The following GATA5 variants were observed in gnomAD, a reference collection of about 807,000 sequenced individuals.
GATA5 encodes GATA binding protein 5, also known as transcription factor GATA-5.
Under a neutral mutation model 35.0 loss-of-function variants are expected in GATA5, and 27 were observed. That is an observed-to-expected ratio of 0.77 (90% confidence interval 0.57 to 1.06). The LOEUF is 1.06. Among genes scored for constraint, GATA5 ranks in the 50% least tolerant of loss-of-function variants. The pLI is 0.00. For missense variants in GATA5, 612 were observed against 580.0 expected, an observed-to-expected ratio of 1.06 and a Z score of -0.57; for synonymous variants, 306 against 267.8, an observed-to-expected ratio of 1.14 and a Z score of -1.39.
At chr20:62,469,932 C>T (rs1197937382) in intron 3 of GATA5, among the ~76,000 whole-genome samples, 1 of 152,196 alleles carries the variant, frequency 6.6e-6, no homozygotes, top group Non-Finnish European at 1.5e-5. Flanking sequence ...CGCGCTGGGG[C>T]TCCCTGTGCC....
rs1555896942 is a variant in GATA5 at position 62,474,958 on chromosome 20, G to A, written c.523+41C>T. ...GGGTGCGGGTTTGCACCCGGATTCG[G>A]CCGCTCCTGGGCCCCGAGACTGTGG... On this transcript the variant is annotated intron_variant, in intron 2 of 6. Transcript: ENST00000252997. The A allele has an allele frequency of 5.5e-6, 7 of 1,268,622 alleles. No individual in the cohort carries two copies. The South Asian group carries it at 1.6e-4, about 29-fold the overall frequency. 78.6% of individuals were successfully genotyped at this position (1,268,622 alleles called of 1,614,324 possible).
At chr20:62,468,535 T>C (rs1185200824) in intron 3 of GATA5, among the ~76,000 whole-genome samples, 1 of 152,160 alleles carries the variant, frequency 6.6e-6, no homozygotes, top group Non-Finnish European at 1.5e-5. Context: ...TGCCAAAGGC[T>C]CTGGGAACGC....
At chr20:62,474,932 A>T in intron 2 of GATA5, 67 bp downstream of exon 2, 1 of 1,215,328 alleles carries the variant, frequency 8.2e-7, no homozygotes, top group Non-Finnish European at 1.0e-6. Context: ...AGCGTTTCGC[A>T]GGGTGCGGGT....
In GATA5 at chr20:62,470,561, G is replaced by T. The variant is rs1358831973; in HGVS notation, c.699+2842C>A. ...TCGAAGGAAGGAAACCCTGGGGTTGGGTGGGTGTTAGGTGCCTGACTCCAG... is the reference window on the plus strand; with the variant it reads ...TCGAAGGAAGGAAACCCTGGGGTTGTGTGGGTGTTAGGTGCCTGACTCCAG... On this transcript the variant is annotated intron_variant, in intron 3 of 6. Transcript: ENST00000252997. The surrounding 1 kb of genome is among the most constrained non-coding windows in gnomAD (Gnocchi z 4.6). Among the ~76,000 whole-genome samples the T allele has an allele frequency of 2.0e-5, 3 of 152,210 alleles. No homozygotes were observed. Among genetic ancestry groups the T allele is most frequent in the Non-Finnish European group, 4.4e-5 (3 of 68,030 alleles).
intron 4 of GATA5, 28 bp from the exon 5 acceptor site, chr20:62,465,949 G>T: frequency 2.6e-6 from 4 of 1,509,954 alleles, no homozygotes; most frequent in East Asian, 2.4e-5. Flanking sequence ...GGTGGAGGCT[G>T]GTCCCATCCC....
intron 3 of GATA5, among the ~76,000 whole-genome samples, chr20:62,472,470 C>T (rs927778052): frequency 6.6e-6 from 1 of 152,232 alleles, no homozygotes; most frequent in Non-Finnish European, 1.5e-5. Context: ...GGCTGGCCTC[C>T]ACCCAGGGTG....
chr20:62,467,066 T>C (rs1989611486), intron 3 of GATA5, among the ~76,000 whole-genome samples: 1 of 152,210 alleles, frequency 6.6e-6, no homozygotes, highest in Non-Finnish European at 1.5e-5. Context: ...CCCATTGCTG[T>C]GCACTGCGCC....
rs1555895978 is a variant in GATA5 at position 62,465,505 on chromosome 20, G to A, written c.914-41C>T. 4 of 1,579,196 alleles carry A rather than the reference G, an allele frequency of 2.5e-6. No homozygotes were observed. The South Asian group carries it at 3.4e-5, about 14-fold the overall frequency. On this transcript the variant is annotated intron_variant, in intron 5 of 6. Coordinates refer to ENST00000252997, the MANE Select transcript of GATA5 (RefSeq NM_080473.5). ...GGGTGTTTACAGAGGGGTCAGGTGT[G>A]GCCTCACTTCCCCTTCCTGCCATGT...
intron 6 of GATA5, 39 bp from the exon 7 acceptor site, chr20:62,465,030 G>A (rs782800487): frequency 1.9e-5 from 23 of 1,207,332 alleles, no homozygotes; most frequent in Admixed American, 7.3e-5. Flanking sequence ...GGGGTGGGGC[G>A]TGGGGCGTGG....
chr20:62,468,440 G>C (rs1277787910), intron 3 of GATA5, among the ~76,000 whole-genome samples: 11 of 152,378 alleles, frequency 7.2e-5, no homozygotes, highest in African/African-American at 2.6e-4. Context: ...CTGAGTGGGA[G>C]AGTGGGGGCC....
chr20:62,467,016 A>G (rs564316860), intron 3 of GATA5, among the ~76,000 whole-genome samples: 4 of 152,300 alleles, frequency 2.6e-5, no homozygotes, highest in African/African-American at 7.2e-5. Context: ...GCCCCACCGG[A>G]CAGAGGCTGA....
Position 62,465,464 on chromosome 20 carries a change from C to T in GATA5, c.914G>A (p.Gly305Glu), listed in dbSNP as rs376756613. 81 of 1,606,278 alleles carry T rather than the reference C, an allele frequency of 5.0e-5. No homozygotes were observed. Among genetic ancestry groups the T allele is most frequent in the Non-Finnish European group, 6.4e-5 (76 of 1,178,942 alleles). Reference protein sequence around the residue: ...KTIAKARGSSGSTRNASASPS... With the variant: ...KTIAKARGSSESTRNASASPS... ...GGAGGCCGAGGCATTCCTTGTGGAT[C>T]CTGGAAGCGAAGAGGGGGTGTTTAC... Residue 305 changes from glycine (G) to glutamate (E), a missense_variant and splice_region_variant, in exon 6 of 7, where the codon GGA becomes GAA. Gly to Glu is a moderately conservative substitution (Grantham distance 98, BLOSUM62 -2). Transcript: ENST00000252997.
intron 2 of GATA5, 35 bp from the exon 3 acceptor site, chr20:62,473,613 C>T: frequency 1.3e-6 from 2 of 1,553,564 alleles, no homozygotes; most frequent in South Asian, 1.2e-5. Flanking sequence ...CCCGGGCCCT[C>T]CCCTCCCCAG....
intron 2 of GATA5, 68 bp from the exon 3 acceptor site, chr20:62,473,646 G>A: frequency 2.7e-6 from 4 of 1,468,272 alleles, no homozygotes; most frequent in Non-Finnish European, 2.8e-6. Context: ...CTCATGGGCC[G>A]GCACCCTCCC....
rs146484782 is a variant in GATA5, at chr20:62,464,958, C to T, written c.1072G>A (p.Gly358Ser). The change falls in exon 7 of 7, where the codon GGC becomes AGC. Residue 358 changes from glycine (G) to serine (S), a missense_variant. Physicochemically the swap from Gly to Ser is moderately conservative, Grantham distance 56 (BLOSUM62 0). Coordinates refer to ENST00000252997, the MANE Select transcript of GATA5 (RefSeq NM_080473.5). ...GGCTCGAACTTGAACTCCAAGTGGCCGGGGGCAAGAGAGTCATCCTCCTGG... is the reference window on the plus strand; with the variant it reads ...GGCTCGAACTTGAACTCCAAGTGGCTGGGGGCAAGAGAGTCATCCTCCTGG... Reference protein sequence around the residue: ...SGQEDDSLAPGHLEFKFEPED... With the variant: ...SGQEDDSLAPSHLEFKFEPED... The T allele has an allele frequency of 5.2e-5, 70 of 1,351,884 alleles. 1 individual carries two copies. Among genetic ancestry groups the T allele is most frequent in the African/African-American group, 3.3e-4 (20 of 60,464 alleles). 83.7% of individuals were successfully genotyped at this position (1,351,884 alleles called of 1,614,324 possible).
intron 3 of GATA5, 131 bp downstream of exon 3, chr20:62,473,272 G>T: frequency 1.0e-6 from 1 of 989,660 alleles, no homozygotes; most frequent in Non-Finnish European, 1.5e-6. Context: ...CACCGGGGCG[G>T]GCACCCAGGC....
At position 62,470,222 on chromosome 20, in the gene GATA5, C is replaced by A. The variant is rs139160479; in HGVS notation, c.699+3181G>T. On this transcript the variant is annotated intron_variant, in intron 3 of 6. Coordinates refer to ENST00000252997, the MANE Select transcript of GATA5 (RefSeq NM_080473.5). This position sits in a 1 kb window ranked among gnomAD's most constrained non-coding sequence, Gnocchi z 4.6. Reference sequence around the variant, plus strand: ...GGTGCTGGCGGAAATTCAAGGAAGGCGGGAGAGGGAAGGAGGTTCGAGCCT... The same window carrying A: ...GGTGCTGGCGGAAATTCAAGGAAGGAGGGAGAGGGAAGGAGGTTCGAGCCT... Among the ~76,000 whole-genome samples, 1 of 152,152 alleles carries A rather than the reference C, an allele frequency of 6.6e-6. No homozygotes were observed. Among genetic ancestry groups the A allele is most frequent in the Non-Finnish European group, 1.5e-5 (1 of 68,018 alleles).
Position 62,464,125 on chromosome 20 carries a change from G to C in GATA5, c.*711C>G, listed in dbSNP as rs1129471. The stretch of plus-strand genomic sequence containing the variant: ...CATTCTGCCTGTCAGAAATGGTCAT[G>C]ATACACAGATTCAGCTAGAACAAGG... On this transcript the variant is annotated 3_prime_UTR_variant, in exon 7 of 7. Transcript: ENST00000252997. 1 of 144,362 alleles carries C rather than the reference G, an allele frequency of 6.9e-6. No individual in the cohort carries two copies. The highest frequency in any genetic ancestry group is 2.5e-5 in the African/African-American group (1 of 40,784). 8.9% of individuals were successfully genotyped at this position (144,362 alleles called of 1,614,324 possible).
rs782518991 is a variant in GATA5, at chr20:62,464,999, G to C, written c.1039-8C>G. 6 of 1,318,062 alleles carry C rather than the reference G, an allele frequency of 4.6e-6. No individual in the cohort carries two copies. In the South Asian group the frequency reaches 7.1e-5, roughly 15 times the overall value. 81.6% of individuals were successfully genotyped at this position (1,318,062 alleles called of 1,614,324 possible). A position where few individuals can be genotyped will look rare whatever the true frequency, so the allele number is the denominator to read the frequency against. On this transcript the variant is annotated splice_polypyrimidine_tract_variant and splice_region_variant and intron_variant, in intron 6 of 6. Transcript: ENST00000252997. ...ATCCTCCTGGCCAGAGGCCTGCAGG[G>C]ACAGGAGAGCGTGAGAATGTGGGGT...
Sources: allele counts gnomAD v4.1 joint callset (sites outside exome capture counted in the v4.1 genomes callset), GRCh38; gene constraint gnomAD v4.1.1; non-coding constraint Gnocchi (gnomAD v3.1); transcripts MANE v1.5; gene names NCBI Gene and HGNC (gene_info 2026-07-23, HGNC 2026-07-21).